Variants in NPY1R observed in about 807,000 individuals in gnomAD.
NPY1R encodes neuropeptide Y receptor type 1.
In NPY1R, 10 loss-of-function variants were observed where a neutral mutation model predicts 24.1. The ratio of observed to expected loss-of-function variants is 0.42; its 90% CI spans 0.26 to 0.71. The LOEUF is 0.71. NPY1R is among the 30% of genes least tolerant of loss of function. NPY1R has a pLI of 0.28. For synonymous variants in NPY1R, 168 were observed against 165.9 expected (o/e 1.01, Z -0.10); for missense variants, 350 against 458.0 (o/e 0.76, Z 2.15).
intron 1 of NPY1R, among the ~76,000 whole-genome samples, chr4:163,343,411 A>G (rs1449432369): frequency 5.4e-5 from 8 of 148,582 alleles, no homozygotes; most frequent in South Asian, 4.3e-4. Context: ...CCCCACCTCC[A>G]CTCTTCCTTA....
chr4:163,328,233 T>A (rs563603588), intron 1 of NPY1R, among the ~76,000 whole-genome samples: 1 of 152,256 alleles, frequency 6.6e-6, no homozygotes, highest in African/African-American at 2.4e-5. Flanking sequence ...GAAACGTGGC[T>A]CTCTCTTCCT....
At chr4:163,336,583 C>A (rs1734844401), upstream of NPY1R, among the ~76,000 whole-genome samples, 1 of 152,194 alleles carries the variant, frequency 6.6e-6, no homozygotes, top group South Asian at 2.1e-4. Flanking sequence ...TAGACTTTCT[C>A]ACAGCACAAC....
chr4:163,331,776 A>T (rs1417976884), intron 1 of NPY1R, among the ~76,000 whole-genome samples: 2 of 152,220 alleles, frequency 1.3e-5, no homozygotes, highest in Non-Finnish European at 2.9e-5. Context: ...TAAAAGAAAG[A>T]GCTAAAGAGT....
chr4:163,326,007 G>A lies in NPY1R; in HGVS notation c.548C>T (p.Pro183Leu), dbSNP rs370691271. The A allele has an allele frequency of 2.7e-5, 43 of 1,613,886 alleles. 1 individual carries two copies. The Middle Eastern group carries it at 4.9e-4, about 19-fold the overall frequency. The change falls in exon 2 of 3, where the codon CCG (proline) becomes CTG (leucine). Residue 183 changes from proline to leucine, a missense_variant. Transcript: ENST00000296533. ...FLIYQVMTDE[P>L]FQNVTLDAYK... ...CGCATCAAGTGTTACATTTTGGAAC[G>A]GCTCATCAGTCATTACTTGGTAGAT...
intron 1 of NPY1R, among the ~76,000 whole-genome samples, chr4:163,329,905 T>A (rs1734689959): frequency 6.6e-6 from 1 of 152,052 alleles, no homozygotes; most frequent in Non-Finnish European, 1.5e-5. Flanking sequence ...GAGCCTTTTT[T>A]TTTTATGGTC....
chr4:163,343,998 G>A (rs1735091895), intron 1 of NPY1R: 1 of 152,400 alleles, frequency 6.6e-6, no homozygotes, highest in African/African-American at 2.4e-5. Flanking sequence ...GGGGCGCCCC[G>A]AGGTACGGGC....
rs970865778 is a variant in NPY1R, at chr4:163,326,649, A to G, written c.-95T>C. On this transcript the variant is annotated 5_prime_UTR_variant, in exon 2 of 3. Transcript: ENST00000296533. ...TGTTCAGCTTATTCTTATTCCCCAT[A>G]TTGGAATCCATTTACCAAAATTATT... 2.8e-6 allele frequency: 2 copies of G among 723,742 alleles called. No homozygotes were observed. Among genetic ancestry groups the G allele is most frequent in the Non-Finnish European group, 4.6e-6 (2 of 439,174 alleles). The allele number at this position is 723,742 out of a possible 1,614,324, so 44.8% of individuals were successfully genotyped here.
intron 1 of NPY1R, among the ~76,000 whole-genome samples, chr4:163,339,997 G>C (rs940949640): frequency 2.0e-5 from 3 of 152,018 alleles, no homozygotes; most frequent in African/African-American, 7.2e-5. Flanking sequence ...TTGGTCCTGA[G>C]CTTATGCTTT....
At position 163,332,508 on chromosome 4, in the gene NPY1R, C is replaced by T. The variant is rs1464981617; in HGVS notation, c.-178G>A. 5.3e-5 allele frequency: 8 copies of T among 152,230 alleles called. No individual in the cohort carries two copies. In the East Asian group the frequency reaches 1.5e-3, roughly 29 times the overall value. The allele number at this position is 152,230 out of a possible 1,614,324, so 9.4% of individuals were successfully genotyped here. A position where few individuals can be genotyped will look rare whatever the true frequency, so the allele number is the denominator to read the frequency against. On this transcript the variant is annotated 5_prime_UTR_variant, in exon 1 of 3. Transcript: ENST00000296533. The stretch of plus-strand genomic sequence containing the variant: ...CTCTTTGGAATTTGTCTTTTTCGCT[C>T]CTGCTTATTAAAGAAGGAAGGGTGG...
chr4:163,325,216 C>T lies in NPY1R; in HGVS notation c.*87G>A. On this transcript the variant is annotated 3_prime_UTR_variant, in exon 3 of 3. Transcript: ENST00000296533. Reference sequence around the variant, plus strand: ...ATTTTCAAATGATTTCAACCCCATTCCTTGGGAGAACAGGTAATCAAAGTA... The same window carrying T: ...ATTTTCAAATGATTTCAACCCCATTTCTTGGGAGAACAGGTAATCAAAGTA... 1.1e-6 allele frequency: 1 copy of T among 934,118 alleles called. No homozygotes were observed. Among genetic ancestry groups the T allele is most frequent in the Non-Finnish European group, 1.6e-6 (1 of 608,302 alleles). 57.9% of individuals were successfully genotyped at this position (934,118 alleles called of 1,614,324 possible). A position where few individuals can be genotyped will look rare whatever the true frequency, so the allele number is the denominator to read the frequency against.
intron 1 of NPY1R, among the ~76,000 whole-genome samples, chr4:163,329,464 A>C (rs993176878): frequency 1.3e-5 from 2 of 151,796 alleles, no homozygotes; most frequent in African/African-American, 4.8e-5. Flanking sequence ...AGCCAGGCGG[A>C]GTGGAGCACA....
intron 1 of NPY1R, among the ~76,000 whole-genome samples, chr4:163,342,971 C>G (rs887930851): frequency 3.1e-5 from 4 of 130,836 alleles, no homozygotes; most frequent in Non-Finnish European, 4.7e-5. Flanking sequence ...CTCTCTCTCT[C>G]TCTCTCACAG....
Position 163,326,585 on chromosome 4 carries a change from T to C in NPY1R, c.-31A>G. 1 of 1,351,898 alleles carries C rather than the reference T, an allele frequency of 7.4e-7. No individual in the cohort carries two copies. The highest frequency in any genetic ancestry group is 1.0e-6 in the Non-Finnish European group (1 of 965,466). 83.7% of individuals were successfully genotyped at this position (1,351,898 alleles called of 1,614,324 possible). A position where few individuals can be genotyped will look rare whatever the true frequency, so the allele number is the denominator to read the frequency against. On this transcript the variant is annotated 5_prime_UTR_variant, in exon 2 of 3. Coordinates refer to ENST00000296533, the MANE Select transcript of NPY1R (RefSeq NM_000909.6). ...TTGGTTTGGTTGTTATAGATTATTT[T>C]AGACAAATGGACAGTATGTTTCTTC...
chr4:163,329,880 G>T (rs888239730), intron 1 of NPY1R, among the ~76,000 whole-genome samples: 6 of 152,024 alleles, frequency 3.9e-5, no homozygotes, highest in Admixed American at 3.9e-4. Context: ...GCTAAAGAGG[G>T]GGGTACAGAC....
At chr4:163,336,005 G>GA (rs559843108), upstream of NPY1R, among the ~76,000 whole-genome samples, 1 of 152,056 alleles carries the variant, frequency 6.6e-6, no homozygotes, top group Non-Finnish European at 1.5e-5. Flanking sequence ...TTAACTAGCA[G>GA]AAAAAAAGTG....
upstream of NPY1R, among the ~76,000 whole-genome samples, chr4:163,335,999 C>G (rs1446056765): frequency 6.6e-6 from 1 of 152,162 alleles, no homozygotes; most frequent in African/African-American, 2.4e-5. Context: ...AGAGCATTAA[C>G]TAGCAGAAAA....
chr4:163,339,891 T>A (rs1445669713), intron 1 of NPY1R, among the ~76,000 whole-genome samples: 1 of 152,122 alleles, frequency 6.6e-6, no homozygotes, highest in African/African-American at 2.4e-5. Flanking sequence ...TATTTTTTTC[T>A]ACCTGTTCAA....
chr4:163,344,143 G>C (rs986902185), intron 1 of NPY1R: 7 of 152,196 alleles, frequency 4.6e-5, no homozygotes, highest in Non-Finnish European at 1.5e-5. Context: ...GGGCGTTGTC[G>C]GGGGTCCCAA....
At position 163,325,803 on chromosome 4, in the gene NPY1R, A is replaced by G. The variant is rs375869310; in HGVS notation, c.700-45T>C. 66 of 1,569,688 alleles carry G rather than the reference A, an allele frequency of 4.2e-5. No individual in the cohort carries two copies. The Middle Eastern group carries it at 5.0e-4, about 12-fold the overall frequency. On this transcript the variant is annotated intron_variant, in intron 2 of 2. Transcript: ENST00000296533. The stretch of plus-strand genomic sequence containing the variant: ...AAATAGAAACACTCATTTGATGAGG[A>G]ATTCTGTGTAAAGAAGGTAAAAATG...
Sources: gnomAD v4.1 joint callset for allele counts (sites outside exome capture counted in the v4.1 genomes callset) on GRCh38, gnomAD v4.1.1 for gene constraint, MANE v1.5 for transcripts, NCBI Gene and HGNC (gene_info 2026-07-23, HGNC 2026-07-21) for gene names.